The following ATXN10 variants were observed in gnomAD, a reference collection of about 807,000 sequenced individuals.
ATXN10 encodes the protein ataxin-10.
A neutral mutation model predicts 52.9 loss-of-function variants in ATXN10; 28 were observed. The ratio of observed to expected loss-of-function variants is 0.53; its 90% CI spans 0.39 to 0.73. ATXN10 has a LOEUF of 0.73. Ranked by LOEUF, ATXN10 falls within the 30% of genes least tolerant of loss-of-function variation. The pLI is 0.00. For missense variants in ATXN10, 565 were observed against 577.0 expected (o/e 0.98, Z 0.21); for synonymous variants, 226 against 221.5 (o/e 1.02, Z -0.18).
In ATXN10 at chr22:45,712,146, G is replaced by GT. The variant is rs2146766152; in HGVS notation, c.648-6264dup. Among the ~76,000 whole-genome samples, 1 of 152,300 alleles carries GT rather than the reference G, an allele frequency of 6.6e-6. No homozygotes were observed. Among genetic ancestry groups the GT allele is most frequent in the Admixed American group, 6.5e-5 (1 of 15,302 alleles). The stretch of plus-strand genomic sequence containing the variant: ...ACATTGTCATCCCTGGGGCAGTGCT[G>GT]TTTGTTAGGGTGTGCAGTCAGGTGA... On this transcript the variant is annotated intron_variant, in intron 5 of 11. Coordinates refer to ENST00000252934, the MANE Select transcript of ATXN10 (RefSeq NM_013236.4). The surrounding 1 kb of genome is among the most constrained non-coding windows in gnomAD (Gnocchi z 4.6).
Position 45,835,707 on chromosome 22 carries a change from A to G in ATXN10, c.1238-7284A>G, listed in dbSNP as rs1929144955. On this transcript the variant is annotated intron_variant, in intron 10 of 11. Coordinates refer to ENST00000252934, the MANE Select transcript of ATXN10 (RefSeq NM_013236.4). The surrounding 1 kb of genome is among the most constrained non-coding windows in gnomAD (Gnocchi z 5.0). Reference sequence around the variant, plus strand: ...CTTTCAGTGCAGGGGTGTTGCTGAGATGGCTTTTTCCCTCCGGAAAGACTG... The same window carrying G: ...CTTTCAGTGCAGGGGTGTTGCTGAGGTGGCTTTTTCCCTCCGGAAAGACTG... Among the ~76,000 whole-genome samples, 1 of 152,190 alleles carries G rather than the reference A, an allele frequency of 6.6e-6. No individual in the cohort carries two copies. Among genetic ancestry groups the G allele is most frequent in the South Asian group, 2.1e-4 (1 of 4,832 alleles).
In ATXN10 at chr22:45,677,193, A is replaced by C. The variant is rs1419732139; in HGVS notation, c.116+5014A>C. The C allele has an allele frequency of 6.6e-6, 1 of 152,200 alleles. No individual in the cohort carries two copies. Among genetic ancestry groups the C allele is most frequent in the Admixed American group, 6.5e-5 (1 of 15,286 alleles). 9.4% of individuals were successfully genotyped at this position (152,200 alleles called of 1,614,324 possible). A position where few individuals can be genotyped will look rare whatever the true frequency, so the allele number is the denominator to read the frequency against. ...ATGCTGCTTTCTATAAATTCATCTC[A>C]TACTTAAACTGATACCTCATTGGTC... On this transcript the variant is annotated intron_variant, in intron 1 of 11. Coordinates refer to ENST00000252934, the MANE Select transcript of ATXN10 (RefSeq NM_013236.4). The surrounding 1 kb of genome is among the most constrained non-coding windows in gnomAD (Gnocchi z 4.1).
Position 45,804,090 on chromosome 22 carries a change from A to G in ATXN10, c.1174-2869A>G, listed in dbSNP as rs557146220. Among the ~76,000 whole-genome samples the G allele has an allele frequency of 8.5e-5, 13 of 152,320 alleles. No homozygotes were observed. The East Asian group carries it at 2.1e-3, about 25-fold the overall frequency. On this transcript the variant is annotated intron_variant, in intron 9 of 11. Coordinates refer to ENST00000252934, the MANE Select transcript of ATXN10 (RefSeq NM_013236.4). ...GCATAAGAATTCAAGCCCAAATTTC[A>G]TCGTAAGATTCAGCAGACACCGCAT... is the stretch of plus-strand genomic sequence containing the variant.
In ATXN10 at chr22:45,753,840, C is replaced by T. The variant is rs780605386; in HGVS notation, c.1173+13302C>T. On this transcript the variant is annotated intron_variant, in intron 9 of 11. Coordinates refer to ENST00000252934, the MANE Select transcript of ATXN10 (RefSeq NM_013236.4). Reference sequence around the variant, plus strand: ...CTGAGATGTCGAAGCAACCCAAAACCTTTTTAACTGCTACACAGAGATTTT... The same window carrying T: ...CTGAGATGTCGAAGCAACCCAAAACTTTTTTAACTGCTACACAGAGATTTT... 1.8e-4 allele frequency among the ~76,000 whole-genome samples: 27 copies of T among 152,254 alleles called. No individual in the cohort carries two copies. The South Asian group carries it at 2.3e-3, about 13-fold the overall frequency.
In ATXN10 at chr22:45,705,778, G is replaced by A. The variant is rs550129068; in HGVS notation, c.647+2931G>A. On this transcript the variant is annotated intron_variant, in intron 5 of 11. Coordinates refer to ENST00000252934, the MANE Select transcript of ATXN10 (RefSeq NM_013236.4). This position sits in a 1 kb window ranked among gnomAD's most constrained non-coding sequence, Gnocchi z 5.2. ...TTCAGATTGTTGTCTTCTTGGGTTG[G>A]TTTTGGTAGTTTGTGTCTTTCTAGG... is the stretch of plus-strand genomic sequence containing the variant. 3.7e-4 allele frequency among the ~76,000 whole-genome samples: 56 copies of A among 152,224 alleles called. 1 individual carries two copies. In the South Asian group the frequency reaches 0.012, roughly 32 times the overall value.
At chr22:45,726,540 A>G (rs1924878567) in intron 6 of ATXN10, among the ~76,000 whole-genome samples, 1 of 151,142 alleles carries the variant, frequency 6.6e-6, no homozygotes, top group Non-Finnish European at 1.5e-5. Flanking sequence ...GCTAATTTGA[A>G]TTTTCTCTCT....
At position 45,787,681 on chromosome 22, in the gene ATXN10, A is replaced by G. The variant is rs1049101197; in HGVS notation, c.1174-19278A>G. ...AATTTAATTCAGTTTAGTGAGGTCT[A>G]TATGTTTGTCTGTGTGTTATTCCTG... is the stretch of plus-strand genomic sequence containing the variant. On this transcript the variant is annotated intron_variant, in intron 9 of 11. Coordinates refer to ENST00000252934, the MANE Select transcript of ATXN10 (RefSeq NM_013236.4). The surrounding 1 kb of genome is among the most constrained non-coding windows in gnomAD (Gnocchi z 4.2). 2.0e-5 allele frequency among the ~76,000 whole-genome samples: 3 copies of G among 152,242 alleles called. No homozygotes were observed. Among genetic ancestry groups the G allele is most frequent in the Non-Finnish European group, 2.9e-5 (2 of 68,042 alleles).
rs765538718 is a variant in ATXN10, at chr22:45,740,365, A to G, written c.1004-4A>G. The G allele has an allele frequency of 4.3e-6, 7 of 1,613,828 alleles. No individual in the cohort carries two copies. The highest frequency in any genetic ancestry group is 5.9e-6 in the Non-Finnish European group (7 of 1,179,808). On this transcript the variant is annotated splice_region_variant and splice_polypyrimidine_tract_variant and intron_variant, in intron 8 of 11. Transcript: ENST00000252934. ...GAAAATGAAGTTTACTCTTTTGGTTATAGATCTTTTGCGGGTGATTCATGT... is the reference window on the plus strand; with the variant it reads ...GAAAATGAAGTTTACTCTTTTGGTTGTAGATCTTTTGCGGGTGATTCATGT...
rs1253737406 is a variant in ATXN10, at chr22:45,763,247, G to T, written c.1173+22709G>T. Among the ~76,000 whole-genome samples the T allele has an allele frequency of 6.6e-6, 1 of 152,190 alleles. No homozygotes were observed. ...GAGAATCTGGAGAGCTGGAGAGAGT[G>T]AGGTGGTGAGGTGGGCCTGGCGTGT... is the stretch of plus-strand genomic sequence containing the variant. On this transcript the variant is annotated intron_variant, in intron 9 of 11. Coordinates refer to ENST00000252934, the MANE Select transcript of ATXN10 (RefSeq NM_013236.4). The surrounding 1 kb of genome is among the most constrained non-coding windows in gnomAD (Gnocchi z 6.9).
intron 10 of ATXN10, among the ~76,000 whole-genome samples, chr22:45,836,987 G>A (rs1362790740): frequency 2.0e-5 from 3 of 152,044 alleles, no homozygotes; most frequent in East Asian, 1.9e-4. Flanking sequence ...CTAATTGTGC[G>A]CCCCTCCCTG....
intron 1 of ATXN10, among the ~76,000 whole-genome samples, chr22:45,686,820 A>T (rs1365504995): frequency 1.3e-4 from 1 of 7,492 alleles, no homozygotes; most frequent in Non-Finnish European, 2.0e-4. Context: ...CTCCATCTCA[A>T]AAAAAAAAAA....
intron 9 of ATXN10, among the ~76,000 whole-genome samples, chr22:45,800,493 G>A (rs922010204): frequency 7.0e-6 from 1 of 143,376 alleles, no homozygotes; most frequent in Non-Finnish European, 1.5e-5. Context: ...ACATTGTAGG[G>A]GAGAATGTAA....
At chr22:45,810,583 G>A (rs1601660739) in intron 10 of ATXN10, among the ~76,000 whole-genome samples, 1 of 152,298 alleles carries the variant, frequency 6.6e-6, no homozygotes, top group East Asian at 1.9e-4. Flanking sequence ...AATTTGATGA[G>A]AATTGACATA....
In ATXN10 at chr22:45,784,453, C is replaced by A. The variant is rs1000166104; in HGVS notation, c.1174-22506C>A. Among the ~76,000 whole-genome samples, 1 of 152,144 alleles carries A rather than the reference C, an allele frequency of 6.6e-6. No individual in the cohort carries two copies. Among genetic ancestry groups the A allele is most frequent in the Non-Finnish European group, 1.5e-5 (1 of 68,018 alleles). On this transcript the variant is annotated intron_variant, in intron 9 of 11. Transcript: ENST00000252934. The surrounding 1 kb of genome is among the most constrained non-coding windows in gnomAD (Gnocchi z 4.2). ...GCTTCTAAGACATATGATCTTGATT[C>A]GTAAGACATAGTCCCCTAATTGTAA... is the stretch of plus-strand genomic sequence containing the variant.
chr22:45,747,241 C>CT (rs903027886), intron 9 of ATXN10, among the ~76,000 whole-genome samples: 2 of 152,176 alleles, frequency 1.3e-5, no homozygotes, highest in African/African-American at 4.8e-5. Context: ...GTGGCTCAAG[C>CT]TTGTAAACCC....
In ATXN10 at chr22:45,769,866, T is replaced by C. The variant is rs114444910; in HGVS notation, c.1173+29328T>C. Among the ~76,000 whole-genome samples, 1,111 of 152,310 alleles carry C rather than the reference T, an allele frequency of 7.3e-3. 16 individuals carry two copies. Among genetic ancestry groups the C allele is most frequent in the African/African-American group, 0.026 (1,065 of 41,554 alleles). On this transcript the variant is annotated intron_variant, in intron 9 of 11. Transcript: ENST00000252934. This position sits in a 1 kb window ranked among gnomAD's most constrained non-coding sequence, Gnocchi z 4.2. ...AAGAGTGTCAGGAAGTTAAAAAATA[T>C]AAAAAATTTTCTGATGAAATGTAAG...
chr22:45,695,761 G>A (rs1923582976), intron 3 of ATXN10, among the ~76,000 whole-genome samples: 2 of 151,862 alleles, frequency 1.3e-5, no homozygotes, highest in Admixed American at 1.3e-4. Flanking sequence ...CAAAGTGCTG[G>A]GATTACAGGC....
intron 9 of ATXN10, among the ~76,000 whole-genome samples, chr22:45,764,034 A>G (rs1926493975): frequency 6.6e-6 from 1 of 152,128 alleles, no homozygotes. Context: ...CCTCTCCGGC[A>G]GCCTCTCTGC....
At chr22:45,813,297 A>G (rs1337569909) in intron 10 of ATXN10, among the ~76,000 whole-genome samples, 4 of 130,184 alleles carry the variant, frequency 3.1e-5, no homozygotes, top group Admixed American at 2.9e-4. Context: ...TTCTTTTTTG[A>G]TCTGTGTTTT....
Sources: allele counts gnomAD v4.1 joint callset (sites outside exome capture counted in the v4.1 genomes callset), GRCh38; gene constraint gnomAD v4.1.1; non-coding constraint Gnocchi (gnomAD v3.1); transcripts MANE v1.5; gene names NCBI Gene and HGNC (gene_info 2026-07-23, HGNC 2026-07-21).